Variants in GATA2 observed in about 807,000 individuals in gnomAD.
The protein encoded by GATA2 is endothelial transcription factor GATA-2.
Under a neutral mutation model 35.7 loss-of-function variants are expected in GATA2, and 6 were observed. The ratio of observed to expected loss-of-function variants is 0.17; its 90% CI spans 0.09 to 0.33. The LOEUF (loss-of-function observed/expected upper bound fraction) is 0.33. Ranked by LOEUF, GATA2 falls within the 10% of genes least tolerant of loss-of-function variation. The probability of loss-of-function intolerance (pLI) is 1.00; values close to 1 mark genes in which losing one functional copy is unlikely to be tolerated. For missense variants in GATA2, 541 were observed against 656.6 expected (o/e 0.82, Z 1.92); for synonymous variants, 313 against 274.9 (o/e 1.14, Z -1.37).
chr3:128,485,945 G>A lies in GATA2; in HGVS notation c.653C>T (p.Thr218Met), dbSNP rs2068690379. 5 of 1,614,172 alleles carry A rather than the reference G, an allele frequency of 3.1e-6. No individual in the cohort carries two copies. Among genetic ancestry groups the A allele is most frequent in the South Asian group, 1.1e-5 (1 of 91,086 alleles). ...GCCACTTTCCATCTTCATGCTCTCC[G>A]TCAGTGACACCTGGTACTTGACGCC... ...KDGVKYQVSL[T>M]ESMKMESGSP... Residue 218 changes from threonine to methionine, a missense_variant, in exon 3 of 6, where the codon ACG (threonine) becomes ATG (methionine). This residue lies in a region of GATA2 where 389 missense variants were observed against 396.9 expected (regional missense o/e 0.98). Transcript: ENST00000341105.
intron 1 of GATA2, among the ~76,000 whole-genome samples, 163 bp from the exon 2 acceptor site, chr3:128,487,239 C>T (rs906958538): frequency 6.6e-6 from 1 of 152,110 alleles, no homozygotes; most frequent in African/African-American, 2.4e-5. Context: ...GAAAGGAAGG[C>T]GGGGGAGGGG....
chr3:128,486,963 G>A lies in GATA2; in HGVS notation c.69C>T (p.Asp23=). 3 of 1,612,012 alleles carry A rather than the reference G, an allele frequency of 1.9e-6. No individual in the cohort carries two copies. Among genetic ancestry groups the A allele is most frequent in the Non-Finnish European group, 2.5e-6 (3 of 1,179,202 alleles). Reference sequence around the variant, plus strand: ...TGTGCGCCAGGCCCGGGTGGTGTGAGTCGGGGTGCTGCGCATTCAGCACGG... The same window carrying A: ...TGTGCGCCAGGCCCGGGTGGTGTGAATCGGGGTGCTGCGCATTCAGCACGG... The part of the protein sequence containing the change: ...HPAVLNAQHP[D]SHHPGLAHNY... The change falls in exon 2 of 6, where the codon GAC becomes GAT. Residue 23 remains aspartate (D), a synonymous_variant. Transcript: ENST00000341105.
chr3:128,491,325 A>T (rs1177052287), intron 1 of GATA2, among the ~76,000 whole-genome samples: 1 of 151,692 alleles, frequency 6.6e-6, no homozygotes, highest in African/African-American at 2.4e-5. Context: ...CCTTATGGGC[A>T]GCTAATTGGC....
rs370923405 is a variant in GATA2 at position 128,485,971 on chromosome 3, G to C, written c.627C>G (p.Asp209Glu). The change falls in exon 3 of 6, where the codon GAC becomes GAG. Residue 209 changes from aspartate (D) to glutamate (E), a missense_variant. By Grantham distance (45) the Asp-to-Glu change is conservative. Transcript: ENST00000341105. ...GGSAARGEDK[D>E]GVKYQVSLTE... is the part of the protein sequence containing the mutation. ...TCAGTGACACCTGGTACTTGACGCC[G>C]TCCTTGTCCTCTCCTCGGGCTGCAC... is the stretch of plus-strand genomic sequence containing the variant. 2 of 1,614,096 alleles carry C rather than the reference G, an allele frequency of 1.2e-6. No individual in the cohort carries two copies. The highest frequency in any genetic ancestry group is 1.1e-5 in the South Asian group (1 of 91,090).
intron 4 of GATA2, 121 bp from the exon 5 acceptor site, chr3:128,482,065 G>A (rs1220161029): frequency 8.0e-7 from 1 of 1,256,874 alleles, no homozygotes; most frequent in Non-Finnish European, 1.1e-6. Context: ...ATCTCACATG[G>A]GAATCAAAGC....
chr3:128,485,965 G>C lies in GATA2; in HGVS notation c.633C>G (p.Val211=), dbSNP rs375773132. 1.9e-6 allele frequency: 3 copies of C among 1,614,106 alleles called. No homozygotes were observed. In the African/African-American group the frequency reaches 4.0e-5, roughly 22 times the overall value. The change falls in exon 3 of 6, where the codon GTC becomes GTG. Residue 211 remains valine, a synonymous_variant. Transcript: ENST00000341105. ...TCTCCGTCAGTGACACCTGGTACTTGACGCCGTCCTTGTCCTCTCCTCGGG... is the reference window on the plus strand; with the variant it reads ...TCTCCGTCAGTGACACCTGGTACTTCACGCCGTCCTTGTCCTCTCCTCGGG... ...SAARGEDKDG[V]KYQVSLTESM... is the part of the protein sequence containing the mutation.
At position 128,483,852 on chromosome 3, in the gene GATA2, G is replaced by A. The variant is rs200848213; in HGVS notation, c.1017+8C>T. 1.7e-5 allele frequency: 27 copies of A among 1,613,992 alleles called. No homozygotes were observed. The highest frequency in any genetic ancestry group is 4.5e-5 in the East Asian group (2 of 44,886). On this transcript the variant is annotated splice_region_variant and intron_variant, in intron 4 of 5. Coordinates refer to ENST00000341105, the MANE Select transcript of GATA2 (RefSeq NM_032638.5). ...AGCCCCCTCCCAGCCACCTGTGCCC[G>A]CTCCTACCAGTCTTCGCTTGGGCTT...
At chr3:128,483,833 C>A in intron 4 of GATA2, 27 bp downstream of exon 4, 1 of 1,614,114 alleles carries the variant, frequency 6.2e-7, no homozygotes, top group Non-Finnish European at 8.5e-7. Context: ...CAGCAGCCCC[C>A]TCCCAGCCAC....
chr3:128,489,962 C>G (rs905421211), intron 1 of GATA2: 2 of 152,264 alleles, frequency 1.3e-5, no homozygotes, highest in African/African-American at 4.8e-5. Context: ...AGACCAGCAG[C>G]TGGCCGCTGG....
intron 1 of GATA2, chr3:128,489,147 C>G (rs561077461): frequency 4.1e-4 from 63 of 152,332 alleles, no homozygotes; most frequent in African/African-American, 1.5e-3. Flanking sequence ...GGCGGCTTCT[C>G]CGGCCGGGCG....
At chr3:128,487,151 C>T (rs2068714414) in intron 1 of GATA2, 75 bp from the exon 2 acceptor site, 1 of 794,440 alleles carries the variant, frequency 1.3e-6, no homozygotes, top group Non-Finnish European at 1.9e-6. Context: ...AGGTGTCCCG[C>T]ACGCCACGGA....
At position 128,486,246 on chromosome 3, in the gene GATA2, C is replaced by T. The variant is rs2068697633; in HGVS notation, c.352G>A (p.Val118Met). 1.3e-6 allele frequency: 2 copies of T among 1,565,240 alleles called. No individual in the cohort carries two copies. The highest frequency in any genetic ancestry group is 1.2e-5 in the South Asian group (1 of 85,380). Residue 118 changes from valine to methionine, a missense_variant, in exon 3 of 6, where the codon GTG becomes ATG. This residue lies in a region of GATA2 where 389 missense variants were observed against 396.9 expected (regional missense o/e 0.98). Coordinates refer to ENST00000341105, the MANE Select transcript of GATA2 (RefSeq NM_032638.5). ...AGTGGCGTCTTGGAGAAGGGGCTCA[C>T]GGTCCAGGGGTTGTGGTGGTGGGCC... Reference protein sequence around the residue: ...AAAHHHNPWTVSPFSKTPLHP... With the variant: ...AAAHHHNPWTMSPFSKTPLHP...
At position 128,479,984 on chromosome 3, in the gene GATA2, T is replaced by G. The variant is rs1397724744; in HGVS notation, c.*1035A>C. Reference sequence around the variant, plus strand: ...AAAGGCCCCTCCCCACCCCCAGCTTTCATACTAGGGCTGTGGGATCCCAGC... The same window carrying G: ...AAAGGCCCCTCCCCACCCCCAGCTTGCATACTAGGGCTGTGGGATCCCAGC... On this transcript the variant is annotated 3_prime_UTR_variant, in exon 6 of 6. Transcript: ENST00000341105. The G allele has an allele frequency of 4.3e-6, 1 of 232,686 alleles. No individual in the cohort carries two copies. Among genetic ancestry groups the G allele is most frequent in the African/African-American group, 2.2e-5 (1 of 45,302 alleles). The allele number at this position is 232,686 out of a possible 1,614,324, so 14.4% of individuals were successfully genotyped here. A position where few individuals can be genotyped will look rare whatever the true frequency, so the allele number is the denominator to read the frequency against.
rs2335052 is a variant in GATA2 at position 128,486,108 on chromosome 3, C to T, written c.490G>A (p.Ala164Thr). 0.17 allele frequency: 269,446 copies of T among 1,612,430 alleles called. 24,238 individuals carry two copies. The highest frequency in any genetic ancestry group is 0.37 in the East Asian group (16,498 of 44,788). Residue 164 changes from alanine to threonine, a missense_variant, in exon 3 of 6, where the codon GCC (alanine) becomes ACC (threonine). Physicochemically the swap from Ala to Thr is moderately conservative, Grantham distance 58. Around this residue, in one of 5 missense-constraint regions of GATA2, gnomAD observed 389 missense variants for 396.9 expected, o/e 0.98. Transcript: ENST00000341105. ...CCGAAAAGGTGGGAGCCAGAGTGGG[C>T]TGCTGTAGGGGTGAGGGAGGCCACT... is the stretch of plus-strand genomic sequence containing the variant. ...SSVASLTPTA[A>T]HSGSHLFGFP... is the part of the protein sequence containing the mutation.
In GATA2 at chr3:128,486,011, G is replaced by A. The variant is rs1200135021; in HGVS notation, c.587C>T (p.Ser196Phe). Residue 196 changes from serine (S) to phenylalanine (F), a missense_variant, in exon 3 of 6, where the codon TCT becomes TTT. By Grantham distance (155) the Ser-to-Phe change is radical. Coordinates refer to ENST00000341105, the MANE Select transcript of GATA2 (RefSeq NM_032638.5). ...TCGGGCTGCACTACCCCCCGCGGAAGATGAGGCTGGAGACGCAGCCCCCGT... is the reference window on the plus strand; with the variant it reads ...TCGGGCTGCACTACCCCCCGCGGAAAATGAGGCTGGAGACGCAGCCCCCGT... ...STTGAASPAS[S>F]SAGGSAARGE... is the part of the protein sequence containing the mutation. 1 of 1,613,800 alleles carries A rather than the reference G, an allele frequency of 6.2e-7. No individual in the cohort carries two copies. Among genetic ancestry groups the A allele is most frequent in the Non-Finnish European group, 8.5e-7 (1 of 1,179,720 alleles).
intron 2 of GATA2, 72 bp downstream of exon 2, chr3:128,486,731 G>C: frequency 1.4e-6 from 2 of 1,398,638 alleles, no homozygotes; most frequent in Non-Finnish European, 2.0e-6. Flanking sequence ...GAAGCAAGCA[G>C]ACGGGCCCTC....
Position 128,480,759 on chromosome 3 carries a change from T to C in GATA2, c.*260A>G, listed in dbSNP as rs2068615184. 2 of 493,678 alleles carry C rather than the reference T, an allele frequency of 4.1e-6. No individual in the cohort carries two copies. Among genetic ancestry groups the C allele is most frequent in the Non-Finnish European group, 7.1e-6 (2 of 281,684 alleles). The allele number at this position is 493,678 out of a possible 1,614,324, so 30.6% of individuals were successfully genotyped here. ...GTCCCGTCCCCTCCTTTTCTCTACA[T>C]AAAGTTGTCCTTGTTGTTCTCCAAA... On this transcript the variant is annotated 3_prime_UTR_variant, in exon 6 of 6. Coordinates refer to ENST00000341105, the MANE Select transcript of GATA2 (RefSeq NM_032638.5).
chr3:128,492,738 A>G (rs879274569), intron 1 of GATA2, among the ~76,000 whole-genome samples, 161 bp downstream of exon 1: 5 of 152,190 alleles, frequency 3.3e-5, no homozygotes, highest in Non-Finnish European at 7.3e-5. Flanking sequence ...CCCTCTGGTT[A>G]AAGTCCCTAT....
intron 1 of GATA2, among the ~76,000 whole-genome samples, 198 bp downstream of exon 1, chr3:128,492,701 C>T (rs2068792073): frequency 6.6e-6 from 1 of 152,206 alleles, no homozygotes; most frequent in Admixed American, 6.5e-5. Context: ...CCGAGGCGGG[C>T]CTGCTGTGCC....
Sources: gnomAD v4.1 joint callset for allele counts (sites outside exome capture counted in the v4.1 genomes callset) on GRCh38, gnomAD v4.1.1 for gene constraint, gnomAD v4.1.1 regional missense constraint, MANE v1.5 for transcripts, NCBI Gene and HGNC (gene_info 2026-07-23, HGNC 2026-07-21) for gene names.